The following PAM variants were observed in gnomAD, a reference collection of about 807,000 sequenced individuals.
PAM encodes peptidyl-glycine alpha-amidating monooxygenase.
In PAM, 72 loss-of-function variants were observed where a neutral mutation model predicts 122.1. The ratio of observed to expected loss-of-function variants is 0.59; its 90% CI spans 0.49 to 0.72. PAM has a LOEUF of 0.72. Among genes scored for constraint, PAM ranks in the 30% least tolerant of loss-of-function variants. The pLI, the probability that PAM is intolerant of heterozygous loss-of-function variation, is 0.00. For missense variants in PAM, 1,106 were observed against 1,183.7 expected, an observed-to-expected ratio of 0.93 and a Z score of 0.96; for synonymous variants, 389 against 404.4, an observed-to-expected ratio of 0.96 and a Z score of 0.46.
chr5:102,976,326 G>A (rs1767660313), intron 15 of PAM, among the ~76,000 whole-genome samples: 1 of 152,018 alleles, frequency 6.6e-6, no homozygotes, highest in South Asian at 2.1e-4. Flanking sequence ...CTGTAATGCA[G>A]TGTAATATCT....
chr5:102,952,673 TGC>T (rs1341906802), intron 12 of PAM, among the ~76,000 whole-genome samples: 1 of 152,198 alleles, frequency 6.6e-6, no homozygotes, highest in Non-Finnish European at 1.5e-5. Context: ...GCAGTTAATA[TGC>T]TTTTTATTTT....
At position 102,971,822 on chromosome 5, in the gene PAM, A is replaced by G. The variant is rs113580759; in HGVS notation, c.1163-2294A>G. Among the ~76,000 whole-genome samples the G allele has an allele frequency of 7.7e-3, 1,177 of 152,302 alleles. 21 individuals carry two copies. Among genetic ancestry groups the G allele is most frequent in the African/African-American group, 0.026 (1,071 of 41,558 alleles). ...AAATTGGTTAACATTTCAGGATTCC[A>G]TATTATATCTAGTACACTAGAAGAG... On this transcript the variant is annotated intron_variant, in intron 14 of 25. Transcript: ENST00000438793.
intron 16 of PAM, among the ~76,000 whole-genome samples, chr5:102,999,880 T>C (rs1349677644): frequency 1.3e-5 from 2 of 152,226 alleles, no homozygotes; most frequent in African/African-American, 2.4e-5. Flanking sequence ...GGGTCTGTGA[T>C]GGAAGGGGCT....
chr5:102,942,793 A>G (rs1228148974), intron 7 of PAM, among the ~76,000 whole-genome samples: 2 of 147,926 alleles, frequency 1.4e-5, no homozygotes, highest in Non-Finnish European at 1.5e-5. Flanking sequence ...CTGGTCTCAA[A>G]CTCCTGGGGT....
intron 12 of PAM, among the ~76,000 whole-genome samples, chr5:102,951,152 C>A (rs1042627904): frequency 5.3e-5 from 8 of 151,862 alleles, no homozygotes; most frequent in Admixed American, 3.9e-4. Context: ...TTCTCAAGTG[C>A]CTTTTTGCCC....
intron 1 of PAM, among the ~76,000 whole-genome samples, chr5:102,831,390 G>A (rs1019457151): frequency 6.6e-6 from 1 of 151,628 alleles, no homozygotes; most frequent in African/African-American, 2.4e-5. Flanking sequence ...AGCTTCATAT[G>A]CATATCTTTT....
chr5:102,884,747 CT>C (rs1792413166), intron 3 of PAM, among the ~76,000 whole-genome samples: 1 of 151,840 alleles, frequency 6.6e-6, no homozygotes, highest in African/African-American at 2.4e-5. Context: ...GCACAGATTG[CT>C]TTTCATAGAT....
At chr5:103,004,666 G>A (rs1294619751) in intron 17 of PAM, among the ~76,000 whole-genome samples, 4 of 152,204 alleles carry the variant, frequency 2.6e-5, no homozygotes, top group Non-Finnish European at 4.4e-5. Flanking sequence ...TGGAGGTTAT[G>A]TGCTGTGGGT....
At chr5:102,791,012 C>A (rs1761923695) in intron 1 of PAM, among the ~76,000 whole-genome samples, 1 of 151,982 alleles carries the variant, frequency 6.6e-6, no homozygotes, top group Admixed American at 6.6e-5. Context: ...GATAACTGAG[C>A]AATATTTTTC....
At chr5:102,956,715 GTTAC>G (rs968656670) in intron 12 of PAM, among the ~76,000 whole-genome samples, 25 of 151,214 alleles carry the variant, frequency 1.7e-4, no homozygotes, top group African/African-American at 5.8e-4. Flanking sequence ...TTTGTTTTTT[GTTAC>G]TTACTGCTTT....
At chr5:102,973,972 TC>T in intron 14 of PAM, 143 bp from the exon 15 acceptor site, 2 of 564,014 alleles carry the variant, frequency 3.5e-6, no homozygotes, top group Non-Finnish European at 6.2e-6. Context: ...TTCTTTTTTT[TC>T]CTCCTATGCT....
At chr5:102,945,659 T>C (rs868418677) in intron 7 of PAM, among the ~76,000 whole-genome samples, 65 of 151,998 alleles carry the variant, frequency 4.3e-4, no homozygotes, top group African/African-American at 1.4e-3. Context: ...TCTCCCCCCC[T>C]CTCTCCTTTT....
chr5:102,861,985 C>A (rs1446656829), intron 1 of PAM, among the ~76,000 whole-genome samples: 1 of 151,908 alleles, frequency 6.6e-6, no homozygotes, highest in Non-Finnish European at 1.5e-5. Flanking sequence ...GCCTGGGAAA[C>A]TTGGCAAAAA....
chr5:102,968,973 C>G (rs1764956377), intron 14 of PAM, among the ~76,000 whole-genome samples: 1 of 151,928 alleles, frequency 6.6e-6, no homozygotes, highest in Admixed American at 6.6e-5. Flanking sequence ...TCATTCTCAG[C>G]AAACTAACAC....
intron 3 of PAM, among the ~76,000 whole-genome samples, chr5:102,890,669 T>C (rs1794544969): frequency 6.6e-6 from 1 of 151,904 alleles, no homozygotes; most frequent in Admixed American, 6.6e-5. Flanking sequence ...TGTGGATTTG[T>C]GCATGTGTAT....
chr5:102,907,930 C>G (rs1800104195), intron 4 of PAM, among the ~76,000 whole-genome samples: 1 of 151,726 alleles, frequency 6.6e-6, no homozygotes. Context: ...GTTGCCTGTT[C>G]ACTCTGATGG....
At chr5:103,026,437 A>C (rs895445975) in intron 24 of PAM, among the ~76,000 whole-genome samples, 4 of 152,208 alleles carry the variant, frequency 2.6e-5, no homozygotes, top group Middle Eastern at 3.2e-3. Flanking sequence ...TGTAAAAGGG[A>C]ATTTTTATTA....
chr5:102,924,063 G>T (rs944582947), intron 5 of PAM, among the ~76,000 whole-genome samples: 1 of 152,128 alleles, frequency 6.6e-6, no homozygotes, highest in Admixed American at 6.5e-5. Context: ...TAAGTAACTT[G>T]CATAATATGA....
chr5:102,774,448 AG>A (rs1756625497), intron 1 of PAM, among the ~76,000 whole-genome samples: 2 of 152,126 alleles, frequency 1.3e-5, no homozygotes, highest in African/African-American at 2.4e-5. Context: ...TTTCTGTGTC[AG>A]TTTTTTCATA....
Sources: gnomAD v4.1 joint callset for allele counts (sites outside exome capture counted in the v4.1 genomes callset) on GRCh38, gnomAD v4.1.1 for gene constraint, MANE v1.5 for transcripts, NCBI Gene and HGNC (gene_info 2026-07-23, HGNC 2026-07-21) for gene names.